Variants in RAD52 observed in about 807,000 individuals in gnomAD.
The protein encoded by RAD52 is RAD52 DNA repair protein, also known as DNA repair protein RAD52 homolog.
A neutral mutation model predicts 55.5 loss-of-function variants in RAD52; 47 were observed. The ratio of observed to expected loss-of-function variants is 0.85; its 90% CI spans 0.67 to 1.08. RAD52 has a LOEUF of 1.08. Ranked by LOEUF, RAD52 falls within the 50% of genes least tolerant of loss-of-function variation. The probability of loss-of-function intolerance (pLI) is 0.00; values close to 1 mark genes in which losing one functional copy is unlikely to be tolerated. For missense variants in RAD52, 468 were observed against 522.8 expected, an observed-to-expected ratio of 0.90 and a Z score of 1.02; for synonymous variants, 184 against 198.9, an observed-to-expected ratio of 0.92 and a Z score of 0.63.
At chr12:960,900 C>T (rs1366650727) in intron 1 of RAD52, among the ~76,000 whole-genome samples, 3 of 152,128 alleles carry the variant, frequency 2.0e-5, no homozygotes, top group Non-Finnish European at 4.4e-5. Flanking sequence ...GTCATTGGTA[C>T]ACAGATACTA....
chr12:951,037 C>T (rs1266902907), upstream of RAD52, among the ~76,000 whole-genome samples: 1 of 152,172 alleles, frequency 6.6e-6, no homozygotes, highest in Non-Finnish European at 1.5e-5. Context: ...CAGGTGTGAG[C>T]CACTGTGCCC....
At chr12:958,987 G>A (rs142227470) in intron 1 of RAD52, among the ~76,000 whole-genome samples, 14 of 152,290 alleles carry the variant, frequency 9.2e-5, no homozygotes, top group Middle Eastern at 3.4e-3. Flanking sequence ...TGGCTATTGT[G>A]TGATAGCAGC....
At chr12:925,212 A>C (rs1956966520) in intron 7 of RAD52, among the ~76,000 whole-genome samples, 1 of 152,128 alleles carries the variant, frequency 6.6e-6, no homozygotes, top group African/African-American at 2.4e-5. Context: ...CACCTCCCAA[A>C]GTGCTGGGAT....
intron 7 of RAD52, among the ~76,000 whole-genome samples, chr12:920,903 A>G (rs1210698275): frequency 6.6e-6 from 1 of 152,222 alleles, no homozygotes; most frequent in Non-Finnish European, 1.5e-5. Flanking sequence ...TTAGGCCACA[A>G]AACAAGTCCT....
In RAD52 at chr12:978,440, T is replaced by C. The variant is rs1958963406; in HGVS notation, c.-19+11369A>G. On this transcript the variant is annotated intron_variant, in intron 1 of 11. Coordinates refer to the RAD52 transcript ENST00000430095. ...AACTTGAATTAAAATTTTTTCAGTG[T>C]GGCTATAGTGTCAATTTTATATAAC... Among the ~76,000 whole-genome samples the C allele has an allele frequency of 2.6e-5, 4 of 152,342 alleles. No homozygotes were observed. In the South Asian group the frequency reaches 8.3e-4, roughly 32 times the overall value.
intron 1 of RAD52, among the ~76,000 whole-genome samples, chr12:936,231 G>A (rs1170346349): frequency 2.0e-5 from 3 of 151,120 alleles, no homozygotes; most frequent in African/African-American, 7.3e-5. Context: ...TTGTACCCGG[G>A]AGGCGGAGGT....
upstream of RAD52, chr12:949,779 G>C (rs1958469815): frequency 6.6e-6 from 1 of 151,734 alleles, no homozygotes; most frequent in Non-Finnish European, 1.5e-5. Flanking sequence ...ACAGACCAGA[G>C]AAGGAACCGT....
At chr12:982,299 A>G (rs1418713583) in intron 1 of RAD52, among the ~76,000 whole-genome samples, 2 of 152,140 alleles carry the variant, frequency 1.3e-5, no homozygotes, top group Non-Finnish European at 2.9e-5. Context: ...AAATTTGTAA[A>G]TTGCACCTAT....
intron 1 of RAD52, among the ~76,000 whole-genome samples, chr12:964,983 T>TTC (rs781534095): frequency 1.2e-3 from 133 of 110,410 alleles, no homozygotes; most frequent in Non-Finnish European, 2.1e-3. Flanking sequence ...TCCTTCCTTT[T>TTC]TGATGTTTTG....
chr12:957,327 G>A (rs940431175), intron 1 of RAD52, among the ~76,000 whole-genome samples: 2 of 151,898 alleles, frequency 1.3e-5, no homozygotes, highest in Non-Finnish European at 2.9e-5. Context: ...GCTGGGCGTG[G>A]TGGTGGGCGC....
intron 1 of RAD52, among the ~76,000 whole-genome samples, chr12:971,949 C>T (rs1324597840): frequency 6.6e-6 from 1 of 152,024 alleles, no homozygotes. Context: ...GGGGTTTCAC[C>T]GTGTTAGCCA....
In RAD52 at chr12:912,516, A is replaced by AAT. The variant is rs10687302; in HGVS notation, c.*873_*874dup. On this transcript the variant is annotated 3_prime_UTR_variant, in exon 12 of 12. Coordinates refer to ENST00000358495, the MANE Select transcript of RAD52 (RefSeq NM_134424.4). ...CTGGTTTCAAGCATTTCAGATAAGC[A>AAT]ATATATATATATTCTATTTTGTTAA... The AAT allele has an allele frequency of 0.12, 20,304 of 165,476 alleles. 1,130 individuals carry two copies. Among genetic ancestry groups the AAT allele is most frequent in the South Asian group, 0.18 (837 of 4,612 alleles). 10.3% of individuals were successfully genotyped at this position (165,476 alleles called of 1,614,324 possible).
intron 1 of RAD52, among the ~76,000 whole-genome samples, chr12:977,397 C>T (rs1360418881): frequency 4.6e-5 from 7 of 152,196 alleles, no homozygotes; most frequent in South Asian, 2.1e-4. Context: ...ATGGGTCAAA[C>T]GCTGCCATTT....
chr12:951,884 T>C (rs755652747), upstream of RAD52, among the ~76,000 whole-genome samples: 21 of 152,206 alleles, frequency 1.4e-4, no homozygotes, highest in Non-Finnish European at 3.1e-4. Context: ...TTCTGAAACA[T>C]AATTTTTGGG....
intron 1 of RAD52, among the ~76,000 whole-genome samples, chr12:940,199 G>A (rs1957849805): frequency 6.6e-6 from 1 of 152,162 alleles, no homozygotes; most frequent in Non-Finnish European, 1.5e-5. Flanking sequence ...AATCGGGAGG[G>A]AGGAAGGGAA....
upstream of RAD52, chr12:990,682 A>T (rs1349269849): frequency 1.3e-5 from 2 of 152,196 alleles, no homozygotes; most frequent in African/African-American, 2.4e-5. Context: ...AGGGGCAAAA[A>T]ACCAGCTTTC....
At chr12:981,454 C>T (rs1959013859) in intron 1 of RAD52, among the ~76,000 whole-genome samples, 1 of 152,176 alleles carries the variant, frequency 6.6e-6, no homozygotes. Flanking sequence ...TCCTTTCTGA[C>T]TGTGAATGTA....
intron 1 of RAD52, among the ~76,000 whole-genome samples, chr12:960,712 C>CT (rs1565703908): frequency 6.6e-6 from 1 of 152,142 alleles, no homozygotes; most frequent in African/African-American, 2.4e-5. Flanking sequence ...GCGATGCCCC[C>CT]CTTCTTAGCC....
Position 948,214 on chromosome 12 carries a change from T to C in RAD52, c.-19+1388A>G, listed in dbSNP as rs970463615. Among the ~76,000 whole-genome samples, 85 of 152,062 alleles carry C rather than the reference T, an allele frequency of 5.6e-4. 4 individuals carry two copies. Among genetic ancestry groups the C allele is most frequent in the Non-Finnish European group, 4.4e-5 (3 of 68,024 alleles). ...AATAAACCAAACACAAAAGAACAAA[T>C]ATTGTATAATACAGTACTGAGAATG... On this transcript the variant is annotated intron_variant, in intron 1 of 11. Transcript: ENST00000358495.
Sources: gnomAD v4.1 joint callset for allele counts (sites outside exome capture counted in the v4.1 genomes callset) on GRCh38, gnomAD v4.1.1 for gene constraint, MANE v1.5 for transcripts, NCBI Gene and HGNC (gene_info 2026-07-23, HGNC 2026-07-21) for gene names.